STT3B: variants seen among roughly 807,000 people sequenced by gnomAD.
STT3B encodes the protein STT3 oligosaccharyltransferase complex catalytic subunit B.
A neutral mutation model predicts 96.8 loss-of-function variants in STT3B; 29 were observed. That is an observed-to-expected ratio of 0.30 (90% CI 0.22 to 0.41). STT3B has a LOEUF of 0.41. Among genes scored for constraint, STT3B ranks in the 10% least tolerant of loss-of-function variants. The probability of loss-of-function intolerance (pLI) is 1.00; values close to 1 mark genes in which losing one functional copy is unlikely to be tolerated. For synonymous variants in STT3B, 367 were observed against 360.0 expected (o/e 1.02, Z -0.22); for missense variants, 640 against 1,022.3 (o/e 0.63, Z 5.10).
chr3:31,551,256 C>A (rs1697551707), intron 1 of STT3B, among the ~76,000 whole-genome samples: 1 of 151,912 alleles, frequency 6.6e-6, no homozygotes, highest in South Asian at 2.1e-4. Flanking sequence ...TGTTCTGTCA[C>A]CCACAGTGGA....
At chr3:31,596,342 A>G (rs989217236) in intron 3 of STT3B, among the ~76,000 whole-genome samples, 1 of 152,034 alleles carries the variant, frequency 6.6e-6, no homozygotes, top group African/African-American at 2.4e-5. Context: ...GGAAAGGGCA[A>G]ACTTGGAAGG....
rs528993134 is a variant in STT3B at position 31,610,523 on chromosome 3, G to A, written c.878-4582G>A. On this transcript the variant is annotated intron_variant, in intron 5 of 15. Coordinates refer to ENST00000295770, the MANE Select transcript of STT3B (RefSeq NM_178862.3). ...GAGAAGGTACTTAAAGATTGCTTTGGGGAACAGCAAACTTCTTCAATACTT... is the reference window on the plus strand; with the variant it reads ...GAGAAGGTACTTAAAGATTGCTTTGAGGAACAGCAAACTTCTTCAATACTT... Among the ~76,000 whole-genome samples the A allele has an allele frequency of 2.8e-3, 429 of 152,208 alleles. 4 individuals are homozygous for A. The highest frequency in any genetic ancestry group is 9.8e-3 in the African/African-American group (407 of 41,540).
chr3:31,611,784 A>G (rs1436925409), intron 5 of STT3B, among the ~76,000 whole-genome samples: 1 of 152,188 alleles, frequency 6.6e-6, no homozygotes, highest in East Asian at 1.9e-4. Context: ...GGTGTGAGCC[A>G]TCATGCCTGG....
intron 4 of STT3B, among the ~76,000 whole-genome samples, chr3:31,599,305 G>T (rs1404534719): frequency 6.6e-6 from 1 of 152,056 alleles, no homozygotes; most frequent in Non-Finnish European, 1.5e-5. Context: ...GAGTTAAAGT[G>T]GTTAGAGCCT....
intron 1 of STT3B, among the ~76,000 whole-genome samples, chr3:31,534,177 A>G (rs1697026047): frequency 6.6e-6 from 1 of 152,206 alleles, no homozygotes; most frequent in South Asian, 2.1e-4. Flanking sequence ...ATTGGTCTGC[A>G]GGAAGGTTTG....
At chr3:31,603,862 TGTTAATTAAAAGCA>T (rs1213572370) in intron 5 of STT3B, among the ~76,000 whole-genome samples, 1 of 152,106 alleles carries the variant, frequency 6.6e-6, no homozygotes, top group Non-Finnish European at 1.5e-5. Context: ...CACAGGAAAA[TGTTAATTAAAAGCA>T]GACAGTAAGG....
chr3:31,629,440 T>G (rs757747106), intron 14 of STT3B, 29 bp downstream of exon 14: 6 of 1,239,716 alleles, frequency 4.8e-6, no homozygotes, highest in Non-Finnish European at 7.0e-6. Flanking sequence ...TCTCTAATTT[T>G]CATTCAAAAT....
intron 5 of STT3B, among the ~76,000 whole-genome samples, chr3:31,613,351 G>A (rs1699227667): frequency 6.6e-6 from 1 of 152,106 alleles, no homozygotes; most frequent in African/African-American, 2.4e-5. Flanking sequence ...AGAAGTGATT[G>A]TCGTGTTTCA....
intron 5 of STT3B, among the ~76,000 whole-genome samples, chr3:31,606,962 G>A (rs1699067686): frequency 6.6e-6 from 1 of 152,334 alleles, no homozygotes; most frequent in Non-Finnish European, 1.5e-5. Context: ...TGACCTGGAT[G>A]TGAGACATGG....
At chr3:31,569,183 A>C (rs1698079388) in intron 1 of STT3B, among the ~76,000 whole-genome samples, 1 of 151,798 alleles carries the variant, frequency 6.6e-6, no homozygotes, top group Non-Finnish European at 1.5e-5. Flanking sequence ...TAATTAAAAA[A>C]CTTTTTTTTC....
At chr3:31,617,096 G>A (rs774605094) in intron 7 of STT3B, 21 bp downstream of exon 7, 4 of 1,536,646 alleles carry the variant, frequency 2.6e-6, no homozygotes, top group Non-Finnish European at 3.5e-6. Context: ...TCACCTGTAG[G>A]GTGTGAATAT....
rs1699443990 is a variant in STT3B at position 31,622,147 on chromosome 3, C to T, written c.1378C>T (p.Leu460=). Residue 460 remains leucine (L), a synonymous_variant, in exon 10 of 16, where the codon CTG becomes TTG. Transcript: ENST00000295770. ...AVYFAGVMVR[L]MLTLTPVVCM... is the part of the protein sequence containing the mutation. ...CTACTTTGCTGGAGTGATGGTGCGA[C>T]TGATGTTGACTTTGACTCCAGTCGT... is the stretch of plus-strand genomic sequence containing the variant. 1 of 1,614,088 alleles carries T rather than the reference C, an allele frequency of 6.2e-7. No homozygotes were observed.
intron 1 of STT3B, among the ~76,000 whole-genome samples, chr3:31,575,927 A>T (rs529038390): frequency 1.3e-5 from 2 of 152,056 alleles, no homozygotes; most frequent in Admixed American, 1.3e-4. Context: ...CAGAAATTAT[A>T]ATTTCTTTTT....
intron 1 of STT3B, among the ~76,000 whole-genome samples, chr3:31,539,219 C>G (rs1697172283): frequency 6.6e-6 from 1 of 152,060 alleles, no homozygotes; most frequent in Non-Finnish European, 1.5e-5. Context: ...TGTAGACAAA[C>G]AAATCTCTAA....
At position 31,619,761 on chromosome 3, in the gene STT3B, ATTC is replaced by A; in HGVS notation, c.1261_1263del (p.Leu421del). The A allele has an allele frequency of 1.2e-6, 2 of 1,613,926 alleles. No homozygotes were observed. Among genetic ancestry groups the A allele is most frequent in the Non-Finnish European group, 1.7e-6 (2 of 1,179,890 alleles). On this transcript the variant is annotated inframe_deletion, in exon 9 of 16. Coordinates refer to ENST00000295770, the MANE Select transcript of STT3B (RefSeq NM_178862.3). ...GGTGTCTTTCTTCTTTGATCTACATATTCTTGTATGTACCTTCCCAGCAGGCCT... is the reference window on the plus strand; with the variant it reads ...GGTGTCTTTCTTCTTTGATCTACATATTGTATGTACCTTCCCAGCAGGCCT...
intron 1 of STT3B, among the ~76,000 whole-genome samples, chr3:31,568,446 T>C (rs1416475396): frequency 6.6e-6 from 1 of 152,192 alleles, no homozygotes; most frequent in African/African-American, 2.4e-5. Flanking sequence ...CTGTTCTTCG[T>C]AGTGGCTGTG....
At chr3:31,610,647 C>G (rs1256351105) in intron 5 of STT3B, among the ~76,000 whole-genome samples, 2 of 152,180 alleles carry the variant, frequency 1.3e-5, no homozygotes, top group Non-Finnish European at 2.9e-5. Flanking sequence ...TATATTTCTT[C>G]TCTATATCTG....
rs776531986 is a variant in STT3B, at chr3:31,625,948, C to T, written c.1900-6C>T. 1.3e-5 allele frequency: 21 copies of T among 1,560,900 alleles called. No individual in the cohort carries two copies. The highest frequency in any genetic ancestry group is 1.0e-4 in the Admixed American group (5 of 49,674). ...AAACATTCTCATTTTTTTTTAAATT[C>T]TGCAGGTGGGAAAAGCTATGTCTTC... On this transcript the variant is annotated splice_polypyrimidine_tract_variant and splice_region_variant and intron_variant, in intron 12 of 15. Transcript: ENST00000295770.
chr3:31,534,397 A>AT (rs1164899186), intron 1 of STT3B, among the ~76,000 whole-genome samples: 1 of 152,026 alleles, frequency 6.6e-6, no homozygotes, highest in Non-Finnish European at 1.5e-5. Context: ...CCGAGTTAGG[A>AT]TTTTTCCCCC....
Sources: allele counts gnomAD v4.1 joint callset (sites outside exome capture counted in the v4.1 genomes callset), GRCh38; gene constraint gnomAD v4.1.1; transcripts MANE v1.5; gene names NCBI Gene and HGNC (gene_info 2026-07-23, HGNC 2026-07-21).